AFAP1: variants seen among roughly 807,000 people sequenced by gnomAD.
AFAP1 encodes the protein actin filament-associated protein 1.
A neutral mutation model predicts 93.9 loss-of-function variants in AFAP1; 75 were observed. The ratio of observed to expected loss-of-function variants is 0.80; its 90% CI spans 0.66 to 0.97. The LOEUF is 0.97. Ranked by LOEUF, AFAP1 falls within the 50% of genes least tolerant of loss-of-function variation. The probability of loss-of-function intolerance (pLI) is 0.00; values close to 1 mark genes in which losing one functional copy is unlikely to be tolerated. For missense variants in AFAP1, 1,201 were observed against 1,050.8 expected, an observed-to-expected ratio of 1.14 and a Z score of -1.98; for synonymous variants, 517 against 430.7, an observed-to-expected ratio of 1.20 and a Z score of -2.48.
At chr4:7,898,866 A>G (rs964917317) in intron 1 of AFAP1, among the ~76,000 whole-genome samples, 4 of 148,260 alleles carry the variant, frequency 2.7e-5, no homozygotes, top group Non-Finnish European at 6.0e-5. Context: ...ATGTGTATAT[A>G]TATGTGTGTG....
At chr4:7,787,689 C>A (rs990904742) in intron 11 of AFAP1, among the ~76,000 whole-genome samples, 1 of 152,170 alleles carries the variant, frequency 6.6e-6, no homozygotes, top group Non-Finnish European at 1.5e-5. Context: ...GGTGAGGGAA[C>A]GGCTCACTCC....
At chr4:7,827,569 C>CAAAAAAAAAAAAAAAAAAAAAAAAAAA (rs58075483) in intron 6 of AFAP1, among the ~76,000 whole-genome samples, 20 of 52,246 alleles carry the variant, frequency 3.8e-4, no homozygotes, top group Middle Eastern at 0.016. Context: ...ACTCTGTCTC[C>CAAAAAAAAAAAAAAAAAAAAAAAAAAA]AAAAAAAAAA....
At chr4:7,781,302 A>C (rs1716742868) in intron 13 of AFAP1, 74 bp downstream of exon 13, 1 of 1,506,616 alleles carries the variant, frequency 6.6e-7, no homozygotes, top group Non-Finnish European at 8.9e-7. Flanking sequence ...CCCATTTACT[A>C]CAAGTTGCAA....
intron 1 of AFAP1, among the ~76,000 whole-genome samples, chr4:7,910,062 C>A (rs1341467831): frequency 6.6e-6 from 1 of 152,208 alleles, no homozygotes; most frequent in Non-Finnish European, 1.5e-5. Flanking sequence ...CTGGTATAGG[C>A]TGCCATACAA....
intron 6 of AFAP1, among the ~76,000 whole-genome samples, chr4:7,828,022 T>C (rs1009625958): frequency 2.6e-5 from 4 of 152,182 alleles, no homozygotes; most frequent in African/African-American, 9.7e-5. Context: ...ATGAAGGGCA[T>C]GTGGAAGGTG....
At chr4:7,927,222 G>A (rs752446110) in intron 1 of AFAP1, among the ~76,000 whole-genome samples, 4 of 152,216 alleles carry the variant, frequency 2.6e-5, no homozygotes, top group Non-Finnish European at 4.4e-5. Context: ...GAGCTCAGGT[G>A]AGCCCATATC....
chr4:7,840,925 G>A (rs796467827), intron 5 of AFAP1, among the ~76,000 whole-genome samples: 4 of 152,306 alleles, frequency 2.6e-5, no homozygotes, highest in African/African-American at 9.6e-5. Flanking sequence ...CTTTGATACA[G>A]AAAATGTATA....
At chr4:7,900,550 T>C (rs1312130725) in intron 1 of AFAP1, among the ~76,000 whole-genome samples, 1 of 152,210 alleles carries the variant, frequency 6.6e-6, no homozygotes, top group African/African-American at 2.4e-5. Context: ...TCTCTGCCCA[T>C]GAAGCAGGCA....
At position 7,890,465 on chromosome 4, in the gene AFAP1, T is replaced by C. The variant is rs189150274; in HGVS notation, c.-2-18385A>G. 5.0e-4 allele frequency among the ~76,000 whole-genome samples: 76 copies of C among 152,286 alleles called. 1 individual carries two copies. The highest frequency in any genetic ancestry group is 1.8e-3 in the African/African-American group (73 of 41,558). ...GCAAAAATATTTATGACTCTGGAGA[T>C]AGGCTGAGATTTCTTACAGCAGAAG... On this transcript the variant is annotated intron_variant, in intron 1 of 17. Coordinates refer to ENST00000420658, the MANE Select transcript of AFAP1 (RefSeq NM_001134647.2).
At chr4:7,918,221 G>A (rs62290576) in intron 1 of AFAP1, among the ~76,000 whole-genome samples, 75,857 of 138,484 alleles carry the variant, frequency 0.55, 23,535 homozygotes, top group East Asian at 0.82. Flanking sequence ...GGCTGCTGCC[G>A]GATGAGACAC....
chr4:7,822,110 G>A (rs1335825826), intron 6 of AFAP1, among the ~76,000 whole-genome samples: 2 of 152,094 alleles, frequency 1.3e-5, no homozygotes, highest in African/African-American at 4.8e-5. Flanking sequence ...AAATGACAAG[G>A]CAAATTTTTA....
intron 4 of AFAP1, among the ~76,000 whole-genome samples, chr4:7,851,547 G>A (rs1331462337): frequency 6.6e-6 from 1 of 152,210 alleles, no homozygotes; most frequent in South Asian, 2.1e-4. Flanking sequence ...CAGCAGAAGA[G>A]GATCTTGATA....
Position 7,819,447 on chromosome 4 carries a change from T to A in AFAP1, c.727-276A>T, listed in dbSNP as rs535047923. 3.3e-5 allele frequency among the ~76,000 whole-genome samples: 5 copies of A among 152,280 alleles called. No homozygotes were observed. In the South Asian group the frequency reaches 1.0e-3, roughly 32 times the overall value. ...AGTTTCATTCCATGTAATTTATTTA[T>A]CGCCATGAACAATAAGGGTCACCAA... On this transcript the variant is annotated intron_variant, in intron 6 of 17. Transcript: ENST00000420658.
chr4:7,897,651 G>C (rs923584529), intron 1 of AFAP1, among the ~76,000 whole-genome samples: 1 of 152,052 alleles, frequency 6.6e-6, no homozygotes, highest in African/African-American at 2.4e-5. Context: ...AGCCTCCAGA[G>C]CAGCTGGGAA....
intron 1 of AFAP1, among the ~76,000 whole-genome samples, chr4:7,899,291 C>T (rs981160676): frequency 6.6e-6 from 1 of 152,094 alleles, no homozygotes; most frequent in Admixed American, 6.6e-5. Flanking sequence ...CCCAGGACCC[C>T]CGTTTCATAA....
At chr4:7,806,930 T>C (rs961072063) in intron 9 of AFAP1, among the ~76,000 whole-genome samples, 3 of 152,164 alleles carry the variant, frequency 2.0e-5, no homozygotes, top group Non-Finnish European at 2.9e-5. Flanking sequence ...CAAATGCAGC[T>C]ATTTATCAGG....
chr4:7,889,691 T>TG (rs1491410107), intron 1 of AFAP1, among the ~76,000 whole-genome samples: 12 of 58,570 alleles, frequency 2.0e-4, no homozygotes, highest in Admixed American at 1.5e-3. Flanking sequence ...CAATGAAGCG[T>TG]TTTTTTTTTT....
intron 3 of AFAP1, among the ~76,000 whole-genome samples, chr4:7,859,264 C>A (rs912538850): frequency 2.0e-5 from 3 of 152,080 alleles, no homozygotes; most frequent in Non-Finnish European, 4.4e-5. Flanking sequence ...ACTAAGAATA[C>A]AAAAATTAGC....
intron 1 of AFAP1, among the ~76,000 whole-genome samples, chr4:7,881,787 A>AG (rs1305920205): frequency 6.6e-6 from 1 of 151,960 alleles, no homozygotes; most frequent in African/African-American, 2.4e-5. Context: ...TCTCAAAAAA[A>AG]AAAAAGAAAA....
Sources: allele counts gnomAD v4.1 joint callset (sites outside exome capture counted in the v4.1 genomes callset), GRCh38; gene constraint gnomAD v4.1.1; transcripts MANE v1.5; gene names NCBI Gene and HGNC (gene_info 2026-07-23, HGNC 2026-07-21).